KLHL18: variants seen among roughly 807,000 people sequenced by gnomAD.
KLHL18 encodes kelch-like protein 18.
KLHL18 carries 38 observed loss-of-function variants against 58.5 expected under a neutral mutation model. That is an observed-to-expected ratio of 0.65 (90% CI 0.50 to 0.85). The LOEUF (loss-of-function observed/expected upper bound fraction) is 0.85, where lower values mean the gene tolerates loss of function less well. Among genes scored for constraint, KLHL18 ranks in the 40% least tolerant of loss-of-function variants. The probability of loss-of-function intolerance (pLI) is 0.00; values close to 1 mark genes in which losing one functional copy is unlikely to be tolerated. For missense variants in KLHL18, 624 were observed against 778.4 expected, an observed-to-expected ratio of 0.80 and a Z score of 2.36; for synonymous variants, 303 against 301.9, an observed-to-expected ratio of 1.00 and a Z score of -0.04.
At chr3:47,337,456 T>C (rs1211297144) in intron 7 of KLHL18, 1 of 153,036 alleles carries the variant, frequency 6.5e-6, no homozygotes, top group Non-Finnish European at 1.5e-5. Context: ...ACAGGTGGCA[T>C]GTTTCATTAT....
At chr3:47,341,246 G>A (rs1236657580) in intron 8 of KLHL18, among the ~76,000 whole-genome samples, 1 of 152,156 alleles carries the variant, frequency 6.6e-6, no homozygotes, top group East Asian at 1.9e-4. Context: ...GTTAGCCCGA[G>A]TTTTTCATTT....
chr3:47,315,203 A>T (rs1703391669), intron 1 of KLHL18, among the ~76,000 whole-genome samples: 1 of 152,166 alleles, frequency 6.6e-6, no homozygotes, highest in East Asian at 1.9e-4. Flanking sequence ...CGGGGGAGAA[A>T]CTGAGAAGGA....
In KLHL18 at chr3:47,339,797, C is replaced by A. The variant is rs1445090383; in HGVS notation, c.1122-775C>A. Among the ~76,000 whole-genome samples the A allele has an allele frequency of 4.3e-4, 5 of 11,650 alleles. No individual in the cohort carries two copies. The Non-Finnish European group carries it at 0.021, about 50-fold the overall frequency. The allele number at this position is 11,650 out of a possible 152,430, so 7.6% of individuals were successfully genotyped here. ...GATAGATTGGCTGGGTGTGGTGGCT[C>A]ACTCTTAACAATCCCAGCACTTTGG... On this transcript the variant is annotated intron_variant, in intron 7 of 9. Transcript: ENST00000232766.
rs2107628606 is a variant in KLHL18, at chr3:47,319,738, T to C, written c.215T>C (p.Met72Thr). The change falls in exon 2 of 10, where the codon ATG becomes ACG. Residue 72 changes from methionine (M) to threonine (T), a missense_variant. Transcript: ENST00000232766. ...CATGCTATGTTTACAAATGACATGA[T>C]GGAGTGCAAGCAGGATGAGATTGTA... ...YFHAMFTNDM[M>T]ECKQDEIVMQ... 2 of 1,613,996 alleles carry C rather than the reference T, an allele frequency of 1.2e-6. No individual in the cohort carries two copies. Among genetic ancestry groups the C allele is most frequent in the Non-Finnish European group, 8.5e-7 (1 of 1,179,904 alleles).
At chr3:47,309,525 C>T (rs988137883) in intron 1 of KLHL18, among the ~76,000 whole-genome samples, 10 of 152,082 alleles carry the variant, frequency 6.6e-5, no homozygotes, top group Middle Eastern at 3.4e-3. Flanking sequence ...ACTGGGCAGC[C>T]GGGCAGAGGG....
Position 47,336,574 on chromosome 3 carries a change from C to G in KLHL18, c.938C>G (p.Ala313Gly). 1 of 1,614,176 alleles carries G rather than the reference C, an allele frequency of 6.2e-7. No homozygotes were observed. ...LNVVEVFDPI[A>G]NCWERCRPMT... ...GTGGTGGAAGTGTTCGACCCCATTG[C>G]CAATTGCTGGGAGAGATGCCGTCCC... The change falls in exon 7 of 10, where the codon GCC becomes GGC. Residue 313 changes from alanine to glycine, a missense_variant. Physicochemically the swap from Ala to Gly is moderately conservative, Grantham distance 60. Coordinates refer to ENST00000232766, the MANE Select transcript of KLHL18 (RefSeq NM_025010.5).
At chr3:47,327,171 A>C (rs1163537056) in intron 3 of KLHL18, among the ~76,000 whole-genome samples, 1 of 152,128 alleles carries the variant, frequency 6.6e-6, no homozygotes, top group African/African-American at 2.4e-5. Context: ...CCCAGGAGGC[A>C]GAGGTTGCAG....
At chr3:47,295,994 G>A (rs1296750756) in intron 1 of KLHL18, among the ~76,000 whole-genome samples, 1 of 152,148 alleles carries the variant, frequency 6.6e-6, no homozygotes, top group Non-Finnish European at 1.5e-5. Context: ...TCCAGGTGTA[G>A]TTCATCTCCC....
At chr3:47,313,146 T>G (rs1349820384) in intron 1 of KLHL18, among the ~76,000 whole-genome samples, 1 of 151,772 alleles carries the variant, frequency 6.6e-6, no homozygotes, top group Non-Finnish European at 1.5e-5. Context: ...TCCGACCTTG[T>G]GATCCGCCCG....
chr3:47,338,318 T>C (rs1045987657), intron 7 of KLHL18: 1 of 152,248 alleles, frequency 6.6e-6, no homozygotes, highest in Non-Finnish European at 1.5e-5. Flanking sequence ...CATTTTCATA[T>C]TGTTCAACAC....
At chr3:47,326,199 C>T (rs1576172302) in intron 3 of KLHL18, among the ~76,000 whole-genome samples, 2 of 152,246 alleles carry the variant, frequency 1.3e-5, no homozygotes, top group Middle Eastern at 6.8e-3. Flanking sequence ...CTGCCCACCT[C>T]GGCCTCCCAA....
At chr3:47,318,062 G>A (rs1703496682) in intron 1 of KLHL18, among the ~76,000 whole-genome samples, 1 of 152,066 alleles carries the variant, frequency 6.6e-6, no homozygotes, top group South Asian at 2.1e-4. Flanking sequence ...GTTTCATCAT[G>A]TTGCCCAGGC....
intron 6 of KLHL18, among the ~76,000 whole-genome samples, chr3:47,335,854 C>A (rs1326900347): frequency 3.3e-5 from 5 of 152,132 alleles, no homozygotes; most frequent in Non-Finnish European, 7.3e-5. Context: ...GTACTAGCTG[C>A]TGCTTGTTAA....
intron 3 of KLHL18, among the ~76,000 whole-genome samples, chr3:47,325,261 G>A (rs953524087): frequency 3.3e-5 from 5 of 152,122 alleles, no homozygotes; most frequent in African/African-American, 9.6e-5. Context: ...GCAGTGGCGC[G>A]ATCTTGGCTC....
intron 6 of KLHL18, among the ~76,000 whole-genome samples, chr3:47,336,279 G>A (rs1703982848): frequency 1.3e-5 from 2 of 152,248 alleles, no homozygotes; most frequent in African/African-American, 2.4e-5. Context: ...GCTTTAAGCA[G>A]GTGGAGTACC....
At chr3:47,294,583 C>T (rs1702857208) in intron 1 of KLHL18, among the ~76,000 whole-genome samples, 1 of 152,032 alleles carries the variant, frequency 6.6e-6, no homozygotes, top group African/African-American at 2.4e-5. Context: ...AGCAAGAAGC[C>T]AGAATGATAA....
chr3:47,302,117 GTATGTTATGTGTAT>G (rs1468834236), intron 1 of KLHL18, among the ~76,000 whole-genome samples: 3 of 152,096 alleles, frequency 2.0e-5, no homozygotes, highest in Non-Finnish European at 4.4e-5. Flanking sequence ...CACATATTTT[GTATGTTATGTGTAT>G]TATGTTATGT....
At chr3:47,286,139 T>A (rs867904680) in intron 1 of KLHL18, among the ~76,000 whole-genome samples, 27 of 152,342 alleles carry the variant, frequency 1.8e-4, no homozygotes, top group South Asian at 4.1e-4. Flanking sequence ...CCAGTATATT[T>A]ATTTTTTTCT....
In KLHL18 at chr3:47,336,677, G is replaced by T; in HGVS notation, c.1041G>T (p.Gln347His). 1 of 1,614,260 alleles carries T rather than the reference G, an allele frequency of 6.2e-7. No homozygotes were observed. Among genetic ancestry groups the T allele is most frequent in the Non-Finnish European group, 8.5e-7 (1 of 1,180,042 alleles). The change falls in exon 7 of 10, where the codon CAG (glutamine) becomes CAT (histidine). Residue 347 changes from glutamine to histidine, a missense_variant. By Grantham distance (24) the Gln-to-His change is conservative. Coordinates refer to ENST00000232766, the MANE Select transcript of KLHL18 (RefSeq NM_025010.5). ...ATGCCATCGGAGGATATGACGGCCA[G>T]CTACGGCTGAGCACTGTGGAGGCCT... ...LLYAIGGYDG[Q>H]LRLSTVEAYN... is the part of the protein sequence containing the mutation.
Sources: allele counts gnomAD v4.1 joint callset (sites outside exome capture counted in the v4.1 genomes callset), GRCh38; gene constraint gnomAD v4.1.1; transcripts MANE v1.5; gene names NCBI Gene and HGNC (gene_info 2026-07-23, HGNC 2026-07-21).